The following METTL24 variants were observed in gnomAD, a reference collection of about 807,000 sequenced individuals.
METTL24 encodes the protein probable methyltransferase-like protein 24.
A neutral mutation model predicts 32.7 loss-of-function variants in METTL24; 29 were observed. The observed-to-expected ratio is 0.89, with a 90% CI of 0.66 to 1.21. The LOEUF (loss-of-function observed/expected upper bound fraction) is 1.21. METTL24 is among the 50% of genes most tolerant of loss of function. The pLI, the probability that METTL24 is intolerant of heterozygous loss-of-function variation, is 0.00. For missense variants in METTL24, 439 were observed against 468.1 expected (o/e 0.94, Z 0.57); for synonymous variants, 163 against 179.5 (o/e 0.91, Z 0.73).
At chr6:110,317,805 C>G (rs923003998) in intron 2 of METTL24, among the ~76,000 whole-genome samples, 17 of 152,110 alleles carry the variant, frequency 1.1e-4, no homozygotes, top group African/African-American at 3.6e-4. Flanking sequence ...TCAGAATCAC[C>G]TGGGAGGTAC....
At chr6:110,253,861 C>A in intron 4 of METTL24, 1 of 1,410,852 alleles carries the variant, frequency 7.1e-7, no homozygotes, top group Non-Finnish European at 9.3e-7. Flanking sequence ...AATAAATTTT[C>A]CTCTAAAATT....
intron 3 of METTL24, among the ~76,000 whole-genome samples, chr6:110,309,875 A>G (rs1458571101): frequency 6.6e-6 from 1 of 150,912 alleles, no homozygotes; most frequent in Non-Finnish European, 1.5e-5. Flanking sequence ...AAAAAACAAA[A>G]CAAAACAAAA....
Position 110,358,230 on chromosome 6 carries a change from G to C in METTL24, c.43C>G (p.Arg15Gly). 1 of 1,486,372 alleles carries C rather than the reference G, an allele frequency of 6.7e-7. No individual in the cohort carries two copies. The highest frequency in any genetic ancestry group is 8.9e-7 in the Non-Finnish European group (1 of 1,125,196). 92.1% of individuals were successfully genotyped at this position (1,486,372 alleles called of 1,614,324 possible). A position where few individuals can be genotyped will look rare whatever the true frequency, so the allele number is the denominator to read the frequency against. The change falls in exon 1 of 5, where the codon CGC becomes GGC. Residue 15 changes from arginine to glycine, a missense_variant. Transcript: ENST00000338882. ...AGCACAGCCCCGAGTAGACACCGGCGCAGGACGCCGCAGCCCCTCCCGGGC... is the reference window on the plus strand; with the variant it reads ...AGCACAGCCCCGAGTAGACACCGGCCCAGGACGCCGCAGCCCCTCCCGGGC... ...RPPGRGCGVLRRCLLGAVLLF... is the reference protein window; with the variant it reads ...RPPGRGCGVLGRCLLGAVLLF...
At chr6:110,272,455 A>G (rs1582393630) in intron 4 of METTL24, among the ~76,000 whole-genome samples, 1 of 152,240 alleles carries the variant, frequency 6.6e-6, no homozygotes, top group East Asian at 1.9e-4. Context: ...TTTTTCATAT[A>G]ATAACTTCTT....
At chr6:110,331,996 T>C (rs183855745) in intron 1 of METTL24, among the ~76,000 whole-genome samples, 139 of 152,240 alleles carry the variant, frequency 9.1e-4, no homozygotes, top group Non-Finnish European at 1.5e-3. Context: ...GCCCATCTGC[T>C]AAATGTCTCT....
chr6:110,343,984 G>A (rs1385610116), intron 1 of METTL24, among the ~76,000 whole-genome samples: 1 of 152,266 alleles, frequency 6.6e-6, no homozygotes, highest in East Asian at 1.9e-4. Context: ...AGAAGAAAAG[G>A]TACTGAACTT....
chr6:110,252,705 T>C (rs1778304320), intron 4 of METTL24, among the ~76,000 whole-genome samples: 1 of 152,220 alleles, frequency 6.6e-6, no homozygotes, highest in East Asian at 1.9e-4. Context: ...AGCCATCAAA[T>C]TAATTGGAGG....
At chr6:110,342,639 C>G (rs1772382024) in intron 1 of METTL24, among the ~76,000 whole-genome samples, 1 of 152,158 alleles carries the variant, frequency 6.6e-6, no homozygotes, top group Non-Finnish European at 1.5e-5. Flanking sequence ...GCAACTGACA[C>G]CATTATCTAA....
At chr6:110,327,003 A>G (rs1279413294) in intron 1 of METTL24, among the ~76,000 whole-genome samples, 1 of 152,212 alleles carries the variant, frequency 6.6e-6, no homozygotes, top group Non-Finnish European at 1.5e-5. Flanking sequence ...TTCAGTGGGC[A>G]TTTGTGCCAC....
chr6:110,323,790 A>G (rs556080807), intron 1 of METTL24, among the ~76,000 whole-genome samples: 1 of 152,210 alleles, frequency 6.6e-6, no homozygotes, highest in East Asian at 1.9e-4. Flanking sequence ...GGCGGGGTCA[A>G]TGTCTAGTGC....
intron 4 of METTL24, among the ~76,000 whole-genome samples, chr6:110,248,122 C>T (rs183273279): frequency 1.3e-5 from 2 of 152,264 alleles, no homozygotes; most frequent in East Asian, 1.9e-4. Flanking sequence ...GGCACCTCTT[C>T]GCCTTCCACC....
intron 1 of METTL24, among the ~76,000 whole-genome samples, chr6:110,342,994 G>A (rs1349931043): frequency 2.6e-5 from 4 of 152,134 alleles, no homozygotes; most frequent in African/African-American, 9.7e-5. Flanking sequence ...GGCTACTATG[G>A]ATAATGACCC....
At chr6:110,266,651 A>G (rs139420927) in intron 4 of METTL24, among the ~76,000 whole-genome samples, 9 of 152,292 alleles carry the variant, frequency 5.9e-5, no homozygotes, top group Non-Finnish European at 1.0e-4. Flanking sequence ...ACTGGGCTGC[A>G]AAATCATACT....
intron 1 of METTL24, among the ~76,000 whole-genome samples, chr6:110,331,659 CAAAAAAAAAAAAA>C (rs59304999): frequency 0.045 from 2,659 of 58,862 alleles, 48 homozygotes; most frequent in South Asian, 0.073. Flanking sequence ...GACCCTGCCT[CAAAAAAAAAAAAA>C]AAAAAAAAGG....
chr6:110,301,037 A>C (rs1250740991), intron 3 of METTL24, among the ~76,000 whole-genome samples: 2 of 152,080 alleles, frequency 1.3e-5, no homozygotes, highest in African/African-American at 4.8e-5. Context: ...ACCAACCTCC[A>C]CAGGTGCTGA....
At chr6:110,335,563 ATTGTTTTTT>A (rs371117576) in intron 1 of METTL24, among the ~76,000 whole-genome samples, 22,642 of 112,336 alleles carry the variant, frequency 0.2, 1,507 homozygotes, top group South Asian at 0.28. Context: ...GTAGGGAATC[ATTGTTTTTT>A]TTTTTTTTTT....
chr6:110,279,143 C>T (rs551118019), intron 4 of METTL24, among the ~76,000 whole-genome samples: 116 of 152,330 alleles, frequency 7.6e-4, no homozygotes, highest in African/African-American at 2.3e-3. Context: ...CATCTCAATG[C>T]ATCCAGTATT....
intron 1 of METTL24, among the ~76,000 whole-genome samples, chr6:110,346,725 G>A (rs1037284129): frequency 1.3e-5 from 2 of 151,998 alleles, no homozygotes; most frequent in African/African-American, 2.4e-5. Flanking sequence ...GGCTGGTCTC[G>A]AACTCCTGAT....
At chr6:110,328,148 G>A (rs530993963) in intron 1 of METTL24, among the ~76,000 whole-genome samples, 152 of 152,300 alleles carry the variant, frequency 1.0e-3, no homozygotes, top group African/African-American at 3.4e-3. Context: ...TGCAGGAGTG[G>A]GGACCCCCTC....
Sources: gnomAD v4.1 joint callset for allele counts (sites outside exome capture counted in the v4.1 genomes callset) on GRCh38, gnomAD v4.1.1 for gene constraint, MANE v1.5 for transcripts, NCBI Gene and HGNC (gene_info 2026-07-23, HGNC 2026-07-21) for gene names.